COL28A1: variants seen among roughly 807,000 people sequenced by gnomAD.
COL28A1 encodes collagen alpha-1(XXVIII) chain.
Under a neutral mutation model 150.2 loss-of-function variants are expected in COL28A1, and 161 were observed. The ratio of observed to expected loss-of-function variants is 1.07; its 90% CI spans 0.94 to 1.22. The LOEUF (loss-of-function observed/expected upper bound fraction) is 1.22. Among genes scored for constraint, COL28A1 ranks in the 50% most tolerant of loss-of-function variants. The pLI is 0.00. For missense variants in COL28A1, 1,617 were observed against 1,388.3 expected, an observed-to-expected ratio of 1.16 and a Z score of -2.62; for synonymous variants, 552 against 469.7, an observed-to-expected ratio of 1.18 and a Z score of -2.26.
At chr7:7,532,390 T>G (rs2108066) in intron 2 of COL28A1, among the ~76,000 whole-genome samples, 53,439 of 151,718 alleles carry the variant, frequency 0.35, 10,899 homozygotes, top group African/African-American at 0.56. Context: ...AAACACAACT[T>G]AAGTTTAAAT....
intron 11 of COL28A1, among the ~76,000 whole-genome samples, chr7:7,500,747 T>G (rs1780475390): frequency 6.6e-6 from 1 of 151,354 alleles, no homozygotes; most frequent in South Asian, 2.1e-4. Context: ...TACATCTAGC[T>G]CTTGTTTACT....
chr7:7,365,083 G>C (rs2128280283), intron 33 of COL28A1, among the ~76,000 whole-genome samples: 1 of 152,210 alleles, frequency 6.6e-6, no homozygotes, highest in East Asian at 1.9e-4. Context: ...CAAACGACTG[G>C]CAGAATACAC....
chr7:7,530,981 C>A (rs565444041), intron 3 of COL28A1, among the ~76,000 whole-genome samples: 1 of 152,134 alleles, frequency 6.6e-6, no homozygotes, highest in Non-Finnish European at 1.5e-5. Flanking sequence ...CAACTTGGTA[C>A]AAATATAGCC....
At chr7:7,392,312 T>C (rs965330188) in intron 27 of COL28A1, among the ~76,000 whole-genome samples, 16 of 152,228 alleles carry the variant, frequency 1.1e-4, no homozygotes, top group Non-Finnish European at 2.1e-4. Context: ...CCCACTCTCT[T>C]CTGGCTTGTA....
At position 7,373,059 on chromosome 7, in the gene COL28A1, C is replaced by A; in HGVS notation, c.2847G>T (p.Met949Ile). Residue 949 changes from methionine (M) to isoleucine (I), a missense_variant, in exon 32 of 35, where the codon ATG becomes ATT. Physicochemically the swap from Met to Ile is conservative, Grantham distance 10. Transcript: ENST00000399429. The surrounding 1 kb of genome is among the most constrained non-coding windows in gnomAD (Gnocchi z 4.1). ...GCTCTGGGTCAGTAGCAATTAGATT[C>A]ATTTCTTTGTGGAATATTTCAAAGT... is the stretch of plus-strand genomic sequence containing the variant. Reference protein sequence around the residue: ...DPNFEIFHKEMNLIATDPEHV... With the variant: ...DPNFEIFHKEINLIATDPEHV... 1.9e-6 allele frequency: 3 copies of A among 1,614,118 alleles called. No individual in the cohort carries two copies. The highest frequency in any genetic ancestry group is 2.2e-5 in the South Asian group (2 of 91,072).
chr7:7,365,622 G>A (rs1429485413), intron 33 of COL28A1, among the ~76,000 whole-genome samples: 2 of 152,160 alleles, frequency 1.3e-5, no homozygotes, highest in Non-Finnish European at 2.9e-5. Context: ...CATTTTCCTT[G>A]AATTTATTAC....
chr7:7,473,978 A>ATAGTGTAT (rs1466016338), intron 15 of COL28A1, among the ~76,000 whole-genome samples: 8 of 148,446 alleles, frequency 5.4e-5, no homozygotes, highest in Non-Finnish European at 1.2e-4. Flanking sequence ...TAGTGTGTAT[A>ATAGTGTAT]TAGTGTATAT....
intron 15 of COL28A1, among the ~76,000 whole-genome samples, chr7:7,459,672 T>G (rs1249338954): frequency 1.3e-5 from 2 of 152,222 alleles, no homozygotes; most frequent in African/African-American, 4.8e-5. Flanking sequence ...TCCATTCCCA[T>G]TTCTAATCTG....
downstream of COL28A1, among the ~76,000 whole-genome samples, chr7:7,357,443 G>A (rs555171074): frequency 8.7e-4 from 133 of 152,168 alleles, no homozygotes; most frequent in African/African-American, 2.9e-3. Context: ...GGTGGATCAC[G>A]AGGTCAAGAG....
intron 27 of COL28A1, among the ~76,000 whole-genome samples, chr7:7,408,279 T>C (rs562387159): frequency 9.2e-5 from 14 of 152,242 alleles, no homozygotes; most frequent in African/African-American, 2.6e-4. Context: ...GACTGCCAAT[T>C]TGAGCCACAA....
intron 15 of COL28A1, among the ~76,000 whole-genome samples, chr7:7,466,259 A>C (rs1275276708): frequency 7.5e-6 from 1 of 134,074 alleles, no homozygotes; most frequent in Non-Finnish European, 1.6e-5. Flanking sequence ...GAAGTGCTTA[A>C]AGGAGCTGAT....
chr7:7,444,372 TG>T (rs1268451727), intron 19 of COL28A1, 45 bp downstream of exon 19: 3 of 1,609,784 alleles, frequency 1.9e-6, no homozygotes, highest in Non-Finnish European at 2.5e-6. Context: ...GATATCAGTT[TG>T]GTTCAACAGT....
At chr7:7,404,787 A>G (rs1783404234) in intron 27 of COL28A1, among the ~76,000 whole-genome samples, 1 of 152,140 alleles carries the variant, frequency 6.6e-6, no homozygotes. Flanking sequence ...CAATATCCAC[A>G]AAGTCTCATT....
rs1226966154 is a variant in COL28A1 at position 7,490,568 on chromosome 7, G to A, written c.1095+10C>T. 22 of 1,150,462 alleles carry A rather than the reference G, an allele frequency of 1.9e-5. No individual in the cohort carries two copies. Among genetic ancestry groups the A allele is most frequent in the Admixed American group, 5.1e-5 (3 of 58,462 alleles). The allele number at this position is 1,150,462 out of a possible 1,614,324, so 71.3% of individuals were successfully genotyped here. ...CAGTCATCAGTGGGCAAAAAGACAA[G>A]TATCTTTACCTTAATACCTTGCTGT... On this transcript the variant is annotated intron_variant, in intron 12 of 34. Transcript: ENST00000399429.
At chr7:7,502,151 C>A (rs996470890) in intron 11 of COL28A1, among the ~76,000 whole-genome samples, 2 of 152,166 alleles carry the variant, frequency 1.3e-5, no homozygotes, top group Non-Finnish European at 2.9e-5. Flanking sequence ...CCACCTACCT[C>A]GGCCTCCCAA....
At chr7:7,543,833 A>T in the COL28A1 span, among the ~76,000 whole-genome samples, 1 of 149,472 alleles carries the variant, frequency 6.7e-6, no homozygotes, top group African/African-American at 2.4e-5. Context: ...AAATTTCTGG[A>T]AATTTAGCAG....
At chr7:7,472,436 A>T (rs1303984885) in intron 15 of COL28A1, among the ~76,000 whole-genome samples, 1 of 152,142 alleles carries the variant, frequency 6.6e-6, no homozygotes, top group Non-Finnish European at 1.5e-5. Context: ...GCAAAAAAAA[A>T]AATAAAATAC....
chr7:7,338,339 T>G, the COL28A1 span, among the ~76,000 whole-genome samples: 1 of 152,216 alleles, frequency 6.6e-6, no homozygotes, highest in African/African-American at 2.4e-5. Context: ...TGGAATATTT[T>G]TCCATTTCTT....
At chr7:7,413,569 A>T (rs1783903971) in intron 27 of COL28A1, among the ~76,000 whole-genome samples, 1 of 152,202 alleles carries the variant, frequency 6.6e-6, no homozygotes, top group African/African-American at 2.4e-5. Context: ...TTTATGAAGC[A>T]GGTATACCCC....
Sources: allele counts gnomAD v4.1 joint callset (sites outside exome capture counted in the v4.1 genomes callset), GRCh38; gene constraint gnomAD v4.1.1; non-coding constraint Gnocchi (gnomAD v3.1); transcripts MANE v1.5; gene names NCBI Gene and HGNC (gene_info 2026-07-23, HGNC 2026-07-21).